SRGAP1: variants seen among roughly 807,000 people sequenced by gnomAD.
SRGAP1 encodes the protein SLIT-ROBO Rho GTPase-activating protein 1.
SRGAP1 carries 43 observed loss-of-function variants against 121.9 expected under a neutral mutation model. The ratio of observed to expected loss-of-function variants is 0.35; its 90% CI spans 0.28 to 0.46. The LOEUF (loss-of-function observed/expected upper bound fraction) is 0.46. Ranked by LOEUF, SRGAP1 falls within the 20% of genes least tolerant of loss-of-function variation. The pLI is 1.00. For synonymous variants in SRGAP1, 447 were observed against 485.4 expected, an observed-to-expected ratio of 0.92 and a Z score of 1.04; for missense variants, 1,102 against 1,350.9, an observed-to-expected ratio of 0.82 and a Z score of 2.89.
chr12:63,965,065 T>C (rs2032751877), intron 1 of SRGAP1, among the ~76,000 whole-genome samples: 1 of 152,206 alleles, frequency 6.6e-6, no homozygotes, highest in African/African-American at 2.4e-5. Context: ...GGGACCTTTT[T>C]GAATCTTAGT....
At chr12:63,886,119 G>A (rs1273902278) in intron 1 of SRGAP1, among the ~76,000 whole-genome samples, 2 of 151,996 alleles carry the variant, frequency 1.3e-5, no homozygotes, top group Non-Finnish European at 2.9e-5. Context: ...GGAGTGCAGC[G>A]GCGCAATCTC....
chr12:64,053,018 A>G (rs1308636904), intron 6 of SRGAP1, among the ~76,000 whole-genome samples: 1 of 152,168 alleles, frequency 6.6e-6, no homozygotes, highest in Non-Finnish European at 1.5e-5. Flanking sequence ...TTCATAGGTA[A>G]TTAAATTATA....
chr12:63,988,219 A>C (rs534209785), intron 2 of SRGAP1, among the ~76,000 whole-genome samples: 40 of 152,322 alleles, frequency 2.6e-4, no homozygotes, highest in African/African-American at 9.4e-4. Context: ...CTGTGGGGCA[A>C]GGCCCTGAGG....
intron 3 of SRGAP1, among the ~76,000 whole-genome samples, chr12:63,990,953 C>T (rs1480001548): frequency 1.3e-5 from 2 of 152,176 alleles, no homozygotes; most frequent in Non-Finnish European, 2.9e-5. Context: ...CGAGCTTCCT[C>T]CTTCCCAAAT....
chr12:63,919,145 C>T (rs1044470870), intron 1 of SRGAP1, among the ~76,000 whole-genome samples: 5 of 152,136 alleles, frequency 3.3e-5, no homozygotes, highest in East Asian at 3.9e-4. Context: ...CTCCGCCTCA[C>T]GGATTGGAGT....
At chr12:63,845,254 T>C (rs1898865192) in intron 1 of SRGAP1, among the ~76,000 whole-genome samples, 1 of 152,248 alleles carries the variant, frequency 6.6e-6, no homozygotes, top group Non-Finnish European at 1.5e-5. Flanking sequence ...ATGGTAGGAT[T>C]GTCACTACGT....
At chr12:64,037,793 T>G (rs2034930880) in intron 4 of SRGAP1, among the ~76,000 whole-genome samples, 1 of 152,182 alleles carries the variant, frequency 6.6e-6, no homozygotes, top group Non-Finnish European at 1.5e-5. Context: ...CATTTTTTAG[T>G]CTCCAAAATT....
intron 1 of SRGAP1, among the ~76,000 whole-genome samples, chr12:63,958,648 C>T (rs1236854530): frequency 6.6e-6 from 1 of 152,138 alleles, no homozygotes; most frequent in African/African-American, 2.4e-5. Context: ...AAATAGGAGG[C>T]TGGTTGGCCA....
intron 3 of SRGAP1, among the ~76,000 whole-genome samples, chr12:64,012,549 A>ATTTTTTTTTT (rs1428356285): frequency 1.0e-5 from 1 of 98,688 alleles, no homozygotes. Context: ...TTAAGTTATT[A>ATTTTTTTTTT]TCTTTTTTTT....
At chr12:64,002,828 A>G (rs59429746) in intron 3 of SRGAP1, among the ~76,000 whole-genome samples, 5,927 of 152,178 alleles carry the variant, frequency 0.039, 398 homozygotes, top group African/African-American at 0.14. Flanking sequence ...AATTCTGTAT[A>G]TGGTTTAAAC....
At chr12:63,979,066 A>C (rs1409253585) in intron 1 of SRGAP1, among the ~76,000 whole-genome samples, 3 of 92,374 alleles carry the variant, frequency 3.2e-5, no homozygotes, top group African/African-American at 8.7e-5. Flanking sequence ...TTTTTTTGAG[A>C]TGGAGTCTCT....
At chr12:63,986,173 C>T (rs2033408466) in intron 2 of SRGAP1, among the ~76,000 whole-genome samples, 1 of 151,240 alleles carries the variant, frequency 6.6e-6, no homozygotes, top group Non-Finnish European at 1.5e-5. Context: ...TCTTCCTCTC[C>T]CTTTCTCTCT....
In SRGAP1 at chr12:64,144,883, C is replaced by A. The variant is rs1264769572; in HGVS notation, c.*2211C>A. 8.8e-6 allele frequency: 1 copy of A among 113,384 alleles called. No homozygotes were observed. The highest frequency in any genetic ancestry group is 3.0e-4 in the South Asian group (1 of 3,316). The allele number at this position is 113,384 out of a possible 1,614,324, so 7.0% of individuals were successfully genotyped here. ...TTTTTGAGTTGGAGTCTTGCTCTGT[C>A]GCCCAGGCCAGAGTACAGTGGTGCA... On this transcript the variant is annotated 3_prime_UTR_variant, in exon 22 of 22. Transcript: ENST00000355086.
intron 18 of SRGAP1, among the ~76,000 whole-genome samples, chr12:64,117,666 G>C (rs978743611): frequency 6.6e-6 from 1 of 151,984 alleles, no homozygotes; most frequent in Non-Finnish European, 1.5e-5. Flanking sequence ...CCTTAGTGTT[G>C]ACCATAGGTA....
intron 6 of SRGAP1, among the ~76,000 whole-genome samples, chr12:64,053,513 TAAC>T (rs752733924): frequency 1.3e-5 from 2 of 152,162 alleles, no homozygotes; most frequent in African/African-American, 2.4e-5. Flanking sequence ...ATTTGTAAAA[TAAC>T]AATCTCTTAG....
Position 63,858,046 on chromosome 12 carries a change from T to TA in SRGAP1, c.67+13164dup, listed in dbSNP as rs1899313039. Among the ~76,000 whole-genome samples, 4 of 152,326 alleles carry TA rather than the reference T, an allele frequency of 2.6e-5. 1 individual carries two copies. The South Asian group carries it at 8.3e-4, about 32-fold the overall frequency. On this transcript the variant is annotated intron_variant, in intron 1 of 21. Coordinates refer to ENST00000355086, the MANE Select transcript of SRGAP1 (RefSeq NM_020762.4). Reference sequence around the variant, plus strand: ...TAATCATTAATAGGTGGTTGAATGTTACCTTCTTTTTCTTTTTGAATCTGT... The same window carrying TA: ...TAATCATTAATAGGTGGTTGAATGTTAACCTTCTTTTTCTTTTTGAATCTGT...
chr12:64,111,985 TGG>T lies in SRGAP1; in HGVS notation c.2144_2144+1del. The T allele has an allele frequency of 6.2e-7, 1 of 1,612,494 alleles. No individual in the cohort carries two copies. The highest frequency in any genetic ancestry group is 8.5e-7 in the Non-Finnish European group (1 of 1,178,878). On this transcript the variant is annotated splice_donor_variant and coding_sequence_variant, in exon 17 of 22. Coordinates refer to ENST00000355086, the MANE Select transcript of SRGAP1 (RefSeq NM_020762.4). LOFTEE classifies it high-confidence loss of function. Reference sequence around the variant, plus strand: ...GAAATGTATGGCTGGAGATGACTATTGGTAAGTCTAAGAATTTTAGTCCTCCT... The same window carrying T: ...GAAATGTATGGCTGGAGATGACTATTTAAGTCTAAGAATTTTAGTCCTCCT...
In SRGAP1 at chr12:64,043,729, G is replaced by T. The variant is rs367853185; in HGVS notation, c.801+154G>T. On this transcript the variant is annotated intron_variant, in intron 6 of 21. Transcript: ENST00000355086. ...CTTTTATTTAAATTATCCGTAATAT[G>T]AAGACACTATCATCTGTAAGATGCA... is the stretch of plus-strand genomic sequence containing the variant. 1.8e-4 allele frequency: 96 copies of T among 546,022 alleles called. No homozygotes were observed. The African/African-American group carries it at 1.8e-3, about 10-fold the overall frequency. 33.8% of individuals were successfully genotyped at this position (546,022 alleles called of 1,614,324 possible).
At chr12:63,987,554 T>C (rs1422648200) in intron 2 of SRGAP1, among the ~76,000 whole-genome samples, 1 of 151,934 alleles carries the variant, frequency 6.6e-6, no homozygotes, top group Non-Finnish European at 1.5e-5. Flanking sequence ...GAAACCTGTC[T>C]CTACTAAAAA....
Sources: allele counts gnomAD v4.1 joint callset (sites outside exome capture counted in the v4.1 genomes callset), GRCh38; gene constraint gnomAD v4.1.1; transcripts MANE v1.5; gene names NCBI Gene and HGNC (gene_info 2026-07-23, HGNC 2026-07-21).